The following SWI5 variants were observed in gnomAD, a reference collection of about 807,000 sequenced individuals.
SWI5 encodes the protein DNA repair protein SWI5 homolog.
Under a neutral mutation model 17.0 loss-of-function variants are expected in SWI5, and 12 were observed. That is an observed-to-expected ratio of 0.71 (90% CI 0.45 to 1.14). The LOEUF (loss-of-function observed/expected upper bound fraction) is 1.14, where lower values mean the gene tolerates loss of function less well. Among genes scored for constraint, SWI5 ranks in the 50% most tolerant of loss-of-function variants. The probability of loss-of-function intolerance (pLI) is 0.00; values close to 1 mark genes in which losing one functional copy is unlikely to be tolerated. For missense variants in SWI5, 158 were observed against 162.2 expected, an observed-to-expected ratio of 0.97 and a Z score of 0.14; for synonymous variants, 61 against 64.0, an observed-to-expected ratio of 0.95 and a Z score of 0.22.
chr9:128,284,536 T>A (rs908611408), exon 3 of SWI5: 1 of 1,613,926 alleles, frequency 6.2e-7, no homozygotes, highest in Non-Finnish European at 8.5e-7. Flanking sequence ...CTGGCCAGGC[T>A]GATGGGACCA....
At chr9:128,287,394 G>A (rs555086940) in intron 4 of SWI5, among the ~76,000 whole-genome samples, 39 of 150,292 alleles carry the variant, frequency 2.6e-4, no homozygotes, top group African/African-American at 9.5e-4. Context: ...CGGAGGTTAC[G>A]GTGAGCCGAG....
At chr9:128,275,712 G>T (rs1212302359), upstream of SWI5, among the ~76,000 whole-genome samples, 1 of 152,190 alleles carries the variant, frequency 6.6e-6, no homozygotes, top group African/African-American at 2.4e-5. Context: ...GACTGGCGAG[G>T]GCGGGGGCTG....
intron 2 of SWI5, among the ~76,000 whole-genome samples, chr9:128,277,440 A>T (rs912421683): frequency 2.0e-5 from 3 of 152,044 alleles, no homozygotes; most frequent in African/African-American, 7.2e-5. Flanking sequence ...TGTAATCCCA[A>T]CTACTCAGGA....
intron 2 of SWI5, among the ~76,000 whole-genome samples, chr9:128,283,583 G>A (rs1320085403): frequency 6.6e-6 from 1 of 152,242 alleles, no homozygotes; most frequent in South Asian, 2.1e-4. Context: ...TCTGGGGTCA[G>A]ACTGGGGACA....
chr9:128,276,528 C>G (rs1020540201), intron 1 of SWI5, 126 bp downstream of exon 1: 35 of 1,567,440 alleles, frequency 2.2e-5, no homozygotes, highest in Non-Finnish European at 3.0e-5. Context: ...CGTCTCAGAA[C>G]GCCCCCTTCC....
Position 128,278,555 on chromosome 9 carries a change from C to T in SWI5, c.111+1800C>T, listed in dbSNP as rs184104794. The T allele has an allele frequency of 1.2e-4, 52 of 450,854 alleles. No homozygotes were observed. The East Asian group carries it at 1.4e-3, about 12-fold the overall frequency. 27.9% of individuals were successfully genotyped at this position (450,854 alleles called of 1,614,324 possible). On this transcript the variant is annotated intron_variant, in intron 2 of 4. Transcript: ENST00000418976. ...CTCCAGCCTGGGCAACAGAGCGAAA[C>T]TCCATCTCAAAAAAAAAAAAAAGGA... is the stretch of plus-strand genomic sequence containing the variant.
In SWI5 at chr9:128,285,634, C is replaced by T. The variant is rs1831625280; in HGVS notation, c.234-305C>T. Reference sequence around the variant, plus strand: ...TGCATTTCACACTTGAGGGAATCCACCTGGCTGTTTGGATCATGCGCCCAT... The same window carrying T: ...TGCATTTCACACTTGAGGGAATCCATCTGGCTGTTTGGATCATGCGCCCAT... On this transcript the variant is annotated intron_variant, in intron 3 of 4. Transcript: ENST00000418976. This position sits in a 1 kb window ranked among gnomAD's most constrained non-coding sequence, Gnocchi z 4.8. 6.6e-6 allele frequency among the ~76,000 whole-genome samples: 1 copy of T among 152,196 alleles called. No individual in the cohort carries two copies. The highest frequency in any genetic ancestry group is 2.4e-5 in the African/African-American group (1 of 41,434).
At chr9:128,279,691 C>T (rs555146703) in intron 2 of SWI5, among the ~76,000 whole-genome samples, 13 of 152,284 alleles carry the variant, frequency 8.5e-5, no homozygotes, top group African/African-American at 3.1e-4. Flanking sequence ...GAAGCACAGC[C>T]CCACAGGGAG....
intron 2 of SWI5, 102 bp downstream of exon 2, chr9:128,276,857 C>T (rs1009269264): frequency 3.2e-6 from 4 of 1,239,680 alleles, no homozygotes; most frequent in Non-Finnish European, 3.4e-6. Context: ...CCCGCTTGGC[C>T]CTCTTCCATA....
exon 5 of SWI5, chr9:128,288,952 ATGTACTTTATT>A: frequency 1.7e-6 from 1 of 573,998 alleles, no homozygotes; most frequent in South Asian, 2.1e-5. Flanking sequence ...GTAGGGGTAC[ATGTACTTTATT>A]TGTCAATAAA....
At position 128,284,494 on chromosome 9, in the gene SWI5, T is replaced by C; in HGVS notation, c.112-16T>C. 6.2e-7 allele frequency: 1 copy of C among 1,610,430 alleles called. No homozygotes were observed. The highest frequency in any genetic ancestry group is 8.5e-7 in the Non-Finnish European group (1 of 1,178,606). On this transcript the variant is annotated splice_polypyrimidine_tract_variant and intron_variant, in intron 2 of 4. Coordinates refer to ENST00000418976, the Ensembl canonical transcript of SWI5. ...ATAACTGGTCAGTCTGGCTGATGAC[T>C]TTTTCTGCCTCTCAGAGGCCATTGC...
At chr9:128,283,416 G>A (rs973917314) in intron 2 of SWI5, among the ~76,000 whole-genome samples, 11 of 152,238 alleles carry the variant, frequency 7.2e-5, no homozygotes, top group Non-Finnish European at 8.8e-5. Flanking sequence ...AGAATTACTT[G>A]AACCCGGGAG....
Position 128,283,990 on chromosome 9 carries a change from T to TA in SWI5, c.112-508dup, listed in dbSNP as rs59062263. ...CCTGGGTGACAGAACAAGACCCTAT[T>TA]AAAAAAAAAAAATGTTGTGGGGTGG... On this transcript the variant is annotated intron_variant, in intron 2 of 4. Coordinates refer to ENST00000418976, the Ensembl canonical transcript of SWI5. Among the ~76,000 whole-genome samples, 525 of 145,746 alleles carry TA rather than the reference T, an allele frequency of 3.6e-3. 3 individuals are homozygous for TA. The highest frequency in any genetic ancestry group is 6.0e-3 in the Non-Finnish European group (394 of 65,822).
upstream of SWI5, chr9:128,275,921 T>G: frequency 6.3e-7 from 1 of 1,589,278 alleles, no homozygotes; most frequent in Non-Finnish European, 8.6e-7. Flanking sequence ...CAATTTGCTC[T>G]GTCGGGTTTC....
At chr9:128,279,902 C>G (rs547782155) in intron 2 of SWI5, among the ~76,000 whole-genome samples, 7 of 152,314 alleles carry the variant, frequency 4.6e-5, no homozygotes, top group African/African-American at 1.4e-4. Context: ...GCAGGTGTGA[C>G]AGAGGGCTCA....
At chr9:128,288,728 GC>G (rs1564376500) in exon 5 of SWI5, 7 of 1,613,852 alleles carry the variant, frequency 4.3e-6, no homozygotes, top group Admixed American at 3.3e-5. Context: ...CAGGCTCATC[GC>G]CCCTTGTCCA....
chr9:128,276,788 A>G (rs1831402357), intron 2 of SWI5, 33 bp downstream of exon 2: 5 of 1,568,358 alleles, frequency 3.2e-6, no homozygotes, highest in Non-Finnish European at 4.3e-6. Context: ...CCCCTTTCCC[A>G]TCCTCGACCT....
chr9:128,288,947 G>A (rs1020285347), exon 5 of SWI5: 125 of 581,922 alleles, frequency 2.1e-4, no homozygotes, highest in Non-Finnish European at 3.2e-4. Context: ...CTTGTGTAGG[G>A]GTACATGTAC....
chr9:128,279,262 T>C (rs988833497), intron 2 of SWI5, among the ~76,000 whole-genome samples: 1 of 152,150 alleles, frequency 6.6e-6, no homozygotes, highest in Non-Finnish European at 1.5e-5. Flanking sequence ...GTTCTCCCCA[T>C]GTGCGGAGAC....
Sources: allele counts gnomAD v4.1 joint callset (sites outside exome capture counted in the v4.1 genomes callset), GRCh38; gene constraint gnomAD v4.1.1; non-coding constraint Gnocchi (gnomAD v3.1); transcripts MANE v1.5; gene names NCBI Gene and HGNC (gene_info 2026-07-23, HGNC 2026-07-21).